Variants in MRAS observed in about 807,000 individuals in gnomAD.
The protein encoded by MRAS is ras-related protein M-Ras.
In MRAS, 4 loss-of-function variants were observed where a neutral mutation model predicts 20.9. The ratio of observed to expected loss-of-function variants is 0.19; its 90% confidence interval spans 0.09 to 0.44. MRAS has a LOEUF of 0.44. Ranked by LOEUF, MRAS falls within the 20% of genes least tolerant of loss-of-function variation. The probability of loss-of-function intolerance (pLI) is 0.99; values close to 1 mark genes in which losing one functional copy is unlikely to be tolerated. For synonymous variants in MRAS, 98 were observed against 102.9 expected (o/e 0.95, Z 0.29); for missense variants, 154 against 277.5 (o/e 0.56, Z 3.16).
chr3:138,388,242 G>A (rs573896960), intron 2 of MRAS, among the ~76,000 whole-genome samples: 12 of 152,278 alleles, frequency 7.9e-5, no homozygotes, highest in East Asian at 7.7e-4. Context: ...AAAGGGGAGC[G>A]CAAATTAAAA....
intron 1 of MRAS, among the ~76,000 whole-genome samples, chr3:138,363,223 T>A (rs760911355): frequency 6.7e-4 from 102 of 151,958 alleles, no homozygotes; most frequent in Non-Finnish European, 1.3e-3. Context: ...CCACCATGCC[T>A]GGCTAATTTT....
At chr3:138,351,773 G>C (rs2054232144) in intron 1 of MRAS, among the ~76,000 whole-genome samples, 1 of 152,216 alleles carries the variant, frequency 6.6e-6, no homozygotes, top group Non-Finnish European at 1.5e-5. Context: ...CATAAAGGCT[G>C]AGTGTCTGGA....
intron 2 of MRAS, among the ~76,000 whole-genome samples, chr3:138,383,979 C>A (rs1259220892): frequency 6.6e-6 from 1 of 152,150 alleles, no homozygotes; most frequent in Admixed American, 6.5e-5. Flanking sequence ...GAGAAAGCTG[C>A]ACCTGTATCT....
In MRAS at chr3:138,405,378, G is replaced by T. The variant is rs577266636; in HGVS notation, c.*3109G>T. The T allele has an allele frequency of 6.5e-6, 1 of 152,682 alleles. No homozygotes were observed. The highest frequency in any genetic ancestry group is 1.5e-5 in the Non-Finnish European group (1 of 68,052). 9.5% of individuals were successfully genotyped at this position (152,682 alleles called of 1,614,324 possible). A position where few individuals can be genotyped will look rare whatever the true frequency, so the allele number is the denominator to read the frequency against. Reference sequence around the variant, plus strand: ...ATGAAAGATACTTGAATTATTGTGCGCCTGTGAGCGCCCAGCTTCTGTTTC... The same window carrying T: ...ATGAAAGATACTTGAATTATTGTGCTCCTGTGAGCGCCCAGCTTCTGTTTC... On this transcript the variant is annotated 3_prime_UTR_variant, in exon 6 of 6. Transcript: ENST00000423968.
chr3:138,396,443 C>T (rs543932647), intron 2 of MRAS, among the ~76,000 whole-genome samples: 8 of 152,270 alleles, frequency 5.3e-5, no homozygotes, highest in Admixed American at 6.5e-5. Context: ...ACTGGGAAGA[C>T]GCAGGGGAGG....
intron 1 of MRAS, among the ~76,000 whole-genome samples, chr3:138,371,292 G>A (rs1420220810): frequency 6.6e-6 from 1 of 152,158 alleles, no homozygotes; most frequent in Admixed American, 6.5e-5. Context: ...CTCGACTGTA[G>A]CCCCATGCAA....
intron 2 of MRAS, among the ~76,000 whole-genome samples, chr3:138,388,584 A>T (rs2055064907): frequency 6.6e-6 from 1 of 152,112 alleles, no homozygotes; most frequent in Non-Finnish European, 1.5e-5. Context: ...CTGTAATTCC[A>T]GCTACTTGGG....
chr3:138,349,960 CT>C (rs2054193723), intron 1 of MRAS: 1 of 152,218 alleles, frequency 6.6e-6, no homozygotes, highest in Non-Finnish European at 1.5e-5. Flanking sequence ...GAGCCAACAG[CT>C]TGCCCAAGAT....
At chr3:138,368,625 A>C (rs1199338) in intron 1 of MRAS, among the ~76,000 whole-genome samples, 28,845 of 152,070 alleles carry the variant, frequency 0.19, 2,976 homozygotes, top group African/African-American at 0.28. Context: ...CATCCTCAAA[A>C]GTGAAGACCT....
At chr3:138,383,055 C>T (rs1467674023) in intron 2 of MRAS, among the ~76,000 whole-genome samples, 4 of 152,182 alleles carry the variant, frequency 2.6e-5, no homozygotes, top group African/African-American at 7.2e-5. Flanking sequence ...AGACCTTGCA[C>T]CCTCATCAGT....
In MRAS at chr3:138,389,558, T is replaced by C. The variant is rs558791628; in HGVS notation, c.194-7766T>C. On this transcript the variant is annotated intron_variant, in intron 2 of 5. Coordinates refer to ENST00000423968, the MANE Select transcript of MRAS (RefSeq NM_001085049.3). ...TCACGGCTTGGGCAAAGACTTGGAA[T>C]GGAGATACGGCCCAGCCGGTTCTAG... 1.4e-4 allele frequency among the ~76,000 whole-genome samples: 20 copies of C among 147,322 alleles called. No homozygotes were observed. The East Asian group carries it at 4.0e-3, about 30-fold the overall frequency.
At chr3:138,389,115 C>T (rs956833104) in intron 2 of MRAS, among the ~76,000 whole-genome samples, 7 of 152,160 alleles carry the variant, frequency 4.6e-5, no homozygotes, top group African/African-American at 1.7e-4. Context: ...GCTGGGATTA[C>T]AGATGTGAGC....
At chr3:138,377,962 CAA>C (rs1447459643) in intron 2 of MRAS, among the ~76,000 whole-genome samples, 2 of 152,202 alleles carry the variant, frequency 1.3e-5, no homozygotes, top group Non-Finnish European at 2.9e-5. Context: ...GAAAATACAG[CAA>C]AAGTTTCACA....
rs1461206294 is a variant in MRAS, at chr3:138,402,484, G to A, written c.*215G>A. The A allele has an allele frequency of 2.0e-6, 1 of 503,966 alleles. No homozygotes were observed. 31.2% of individuals were successfully genotyped at this position (503,966 alleles called of 1,614,324 possible). ...TCTCAAAGAGACAAGGAAGCCACCT[G>A]TAAGCAGAAGCAGCATCCAAGTGCC... On this transcript the variant is annotated 3_prime_UTR_variant, in exon 6 of 6. Transcript: ENST00000423968.
chr3:138,349,138 C>G (rs575789134), intron 1 of MRAS: 8 of 151,700 alleles, frequency 5.3e-5, no homozygotes, highest in Non-Finnish European at 1.2e-4. Context: ...TTTACCCCCC[C>G]GCCTTAAGAT....
chr3:138,379,955 A>G (rs2054865448), intron 2 of MRAS, among the ~76,000 whole-genome samples: 1 of 152,184 alleles, frequency 6.6e-6, no homozygotes, highest in Non-Finnish European at 1.5e-5. Flanking sequence ...GCAGTATCCA[A>G]ACATTCTCTT....
At chr3:138,388,474 G>A (rs186459758) in intron 2 of MRAS, among the ~76,000 whole-genome samples, 8 of 152,270 alleles carry the variant, frequency 5.3e-5, no homozygotes, top group South Asian at 2.1e-4. Flanking sequence ...CAAGGCGGGC[G>A]GATCACTTGA....
intron 2 of MRAS, among the ~76,000 whole-genome samples, chr3:138,374,770 A>G (rs1024681854): frequency 4.6e-5 from 7 of 152,100 alleles, no homozygotes; most frequent in African/African-American, 1.7e-4. Flanking sequence ...TAGTTTGCTG[A>G]GAGTTTTTAT....
chr3:138,391,854 T>C (rs2055137972), intron 2 of MRAS, among the ~76,000 whole-genome samples: 1 of 152,216 alleles, frequency 6.6e-6, no homozygotes, highest in Non-Finnish European at 1.5e-5. Context: ...AAATGCTTGT[T>C]CATGGCCAGG....
Sources: allele counts gnomAD v4.1 joint callset (sites outside exome capture counted in the v4.1 genomes callset), GRCh38; gene constraint gnomAD v4.1.1; transcripts MANE v1.5; gene names NCBI Gene and HGNC (gene_info 2026-07-23, HGNC 2026-07-21).